Variants in ACACA observed in about 807,000 individuals in gnomAD.
ACACA encodes the protein acetyl-CoA carboxylase alpha.
ACACA carries 103 observed loss-of-function variants against 296.1 expected under a neutral mutation model. The ratio of observed to expected loss-of-function variants is 0.35; its 90% CI spans 0.30 to 0.41. ACACA has a LOEUF of 0.41. Ranked by LOEUF, ACACA falls within the 10% of genes least tolerant of loss-of-function variation. The probability of loss-of-function intolerance (pLI) is 1.00; values close to 1 mark genes in which losing one functional copy is unlikely to be tolerated. For synonymous variants in ACACA, 953 were observed against 1,038.6 expected, an observed-to-expected ratio of 0.92 and a Z score of 1.58; for missense variants, 1,554 against 2,989.7, an observed-to-expected ratio of 0.52 and a Z score of 11.20.
At chr17:37,175,642 T>G (rs2077084704) in intron 41 of ACACA, among the ~76,000 whole-genome samples, 1 of 152,188 alleles carries the variant, frequency 6.6e-6, no homozygotes, top group African/African-American at 2.4e-5. Flanking sequence ...TTTCCTCAAT[T>G]TTCATCTTTA....
At chr17:37,380,305 C>T (rs1419943246) in intron 1 of ACACA, among the ~76,000 whole-genome samples, 1 of 149,352 alleles carries the variant, frequency 6.7e-6, no homozygotes, top group Non-Finnish European at 1.5e-5. Flanking sequence ...GGGATAGCAT[C>T]GGGAGATATA....
chr17:37,398,182 A>T (rs2051144267), intron 1 of ACACA, among the ~76,000 whole-genome samples: 1 of 141,358 alleles, frequency 7.1e-6, no homozygotes, highest in Admixed American at 7.1e-5. Flanking sequence ...GTGAGCCGAG[A>T]TCGCACCACT....
At chr17:37,194,475 C>T (rs768473991) in intron 35 of ACACA, among the ~76,000 whole-genome samples, 3 of 152,112 alleles carry the variant, frequency 2.0e-5, no homozygotes, top group Non-Finnish European at 4.4e-5. Context: ...AATCACAGAG[C>T]TGGAAGATAA....
In ACACA at chr17:37,275,988, T is replaced by C. The variant is rs752972971; in HGVS notation, c.864A>G (p.Gln288=). ...GDKIASSIVA[Q]TAGIPTLPWS... ...AGGGAAGAGTTGGGATACCTGCAGT[T>C]TGAGCCACTATGGAAGATGCAATCT... Residue 288 remains glutamine (Q), a synonymous_variant, in exon 8 of 56, where the codon CAA becomes CAG. Transcript: ENST00000616317. 1.3e-5 allele frequency: 21 copies of C among 1,614,112 alleles called. No homozygotes were observed. Among genetic ancestry groups the C allele is most frequent in the South Asian group, 3.3e-5 (3 of 91,082 alleles).
chr17:37,228,206 C>CT (rs11299899), intron 25 of ACACA, among the ~76,000 whole-genome samples: 3,413 of 105,940 alleles, frequency 0.032, 43 homozygotes, highest in Non-Finnish European at 0.046. Flanking sequence ...TTCTCAAACC[C>CT]TTTTTTTTTT....
At chr17:37,386,124 C>T (rs747693501) in intron 1 of ACACA, 17 of 1,538,464 alleles carry the variant, frequency 1.1e-5, no homozygotes, top group East Asian at 6.8e-5. Context: ...CTACAAGTAC[C>T]GGTAATTTTT....
intron 3 of ACACA, among the ~76,000 whole-genome samples, chr17:37,312,431 C>T (rs913443523): frequency 6.6e-6 from 1 of 152,164 alleles, no homozygotes; most frequent in Non-Finnish European, 1.5e-5. Flanking sequence ...CCTGTATCCT[C>T]CTCTTCTGGA....
intron 45 of ACACA, among the ~76,000 whole-genome samples, chr17:37,144,917 C>G (rs1429505452): frequency 6.6e-6 from 1 of 152,100 alleles, no homozygotes; most frequent in Non-Finnish European, 1.5e-5. Flanking sequence ...TGGCATATAC[C>G]TTACCTTCAC....
chr17:37,219,954 T>G (rs1289944799), intron 29 of ACACA, among the ~76,000 whole-genome samples: 1 of 152,032 alleles, frequency 6.6e-6, no homozygotes, highest in Non-Finnish European at 1.5e-5. Flanking sequence ...ATCTTCACCT[T>G]CACAGTTATA....
At chr17:37,308,652 T>C (rs893959529) in intron 3 of ACACA, among the ~76,000 whole-genome samples, 11 of 152,138 alleles carry the variant, frequency 7.2e-5, no homozygotes, top group African/African-American at 2.7e-4. Flanking sequence ...ATTTAAAAAC[T>C]ACTAGCCAGG....
At chr17:37,260,297 T>TATATATATATA (rs1491211370) in intron 11 of ACACA, among the ~76,000 whole-genome samples, 11 of 7,726 alleles carry the variant, frequency 1.4e-3, no homozygotes, top group African/African-American at 4.6e-3. Flanking sequence ...TATATATATA[T>TATATATATATA]TTTTTTTTTT....
At chr17:37,156,640 T>C (rs2076264000) in intron 42 of ACACA, among the ~76,000 whole-genome samples, 1 of 152,234 alleles carries the variant, frequency 6.6e-6, no homozygotes, top group African/African-American at 2.4e-5. Flanking sequence ...CATTTACATG[T>C]AAACAATTAT....
chr17:37,275,380 C>G (rs1276592731), intron 8 of ACACA, among the ~76,000 whole-genome samples: 2 of 151,318 alleles, frequency 1.3e-5, no homozygotes, highest in Non-Finnish European at 2.9e-5. Context: ...GCCTGTAATC[C>G]CAGCTACTCG....
intron 30 of ACACA, 136 bp downstream of exon 30, chr17:37,210,331 T>C (rs1311581118): frequency 1.0e-5 from 8 of 768,030 alleles, no homozygotes; most frequent in Non-Finnish European, 1.8e-5. Context: ...ATTTAGTATG[T>C]CCAAAGGGGA....
intron 8 of ACACA, among the ~76,000 whole-genome samples, chr17:37,275,358 G>A (rs2082234705): frequency 6.6e-6 from 1 of 151,958 alleles, no homozygotes; most frequent in Non-Finnish European, 1.5e-5. Context: ...TTAGCCGGGT[G>A]TGGTGGCGGG....
intron 3 of ACACA, among the ~76,000 whole-genome samples, chr17:37,317,257 T>C (rs780015207): frequency 4.6e-5 from 7 of 152,152 alleles, no homozygotes; most frequent in Middle Eastern, 3.2e-3. Flanking sequence ...TAGTGATTAC[T>C]ATGGAATGAT....
chr17:37,099,866 G>A (rs1356755608), intron 52 of ACACA, among the ~76,000 whole-genome samples: 2 of 152,082 alleles, frequency 1.3e-5, no homozygotes, highest in Middle Eastern at 3.2e-3. Flanking sequence ...TGAACCTGGG[G>A]TATATTGTGA....
intron 29 of ACACA, among the ~76,000 whole-genome samples, chr17:37,212,080 G>A (rs936917804): frequency 5.3e-5 from 8 of 152,104 alleles, no homozygotes; most frequent in African/African-American, 1.9e-4. Flanking sequence ...GAAAGGGGCC[G>A]CCTGCACAGT....
At chr17:37,390,334 A>ATATATCTATAT (rs2050822111) in intron 1 of ACACA, among the ~76,000 whole-genome samples, 1 of 93,444 alleles carries the variant, frequency 1.1e-5, no homozygotes, top group African/African-American at 4.5e-5. Flanking sequence ...ATATATATAT[A>ATATATCTATAT]AAAGGCCAGC....
Sources: gnomAD v4.1 joint callset for allele counts (sites outside exome capture counted in the v4.1 genomes callset) on GRCh38, gnomAD v4.1.1 for gene constraint, MANE v1.5 for transcripts, NCBI Gene and HGNC (gene_info 2026-07-23, HGNC 2026-07-21) for gene names.